DNMT1: variants seen among roughly 807,000 people sequenced by gnomAD.
The protein encoded by DNMT1 is DNA (cytosine-5)-methyltransferase 1.
DNMT1 carries 24 observed loss-of-function variants against 205.3 expected under a neutral mutation model. The observed-to-expected ratio is 0.12, with a 90% confidence interval of 0.08 to 0.16. The LOEUF is 0.16. Among genes scored for constraint, DNMT1 ranks in the 10% least tolerant of loss-of-function variants. DNMT1 has a pLI of 1.00. For missense variants in DNMT1, 1,293 were observed against 2,177.7 expected, an observed-to-expected ratio of 0.59 and a Z score of 8.09; for synonymous variants, 817 against 839.8, an observed-to-expected ratio of 0.97 and a Z score of 0.47.
Position 10,173,079 on chromosome 19 carries a change from T to G in DNMT1, c.768+11A>C, listed in dbSNP as rs780364336. 1 of 1,614,160 alleles carries G rather than the reference T, an allele frequency of 6.2e-7. No homozygotes were observed. Reference sequence around the variant, plus strand: ...GGAGAATTAACAAACTTAGAGGTGATAGAGCTTTACTTTTTCATCTCTTTC... The same window carrying G: ...GGAGAATTAACAAACTTAGAGGTGAGAGAGCTTTACTTTTTCATCTCTTTC... On this transcript the variant is annotated intron_variant, in intron 9 of 40. Transcript: ENST00000359526.
At chr19:10,180,752 G>T in intron 3 of DNMT1, 26 bp downstream of exon 3, 1 of 1,608,776 alleles carries the variant, frequency 6.2e-7, no homozygotes, top group South Asian at 1.1e-5. Flanking sequence ...TTTTTCTAGA[G>T]GCTAGGATGC....
At chr19:10,171,660 C>A (rs1053091145) in intron 9 of DNMT1, among the ~76,000 whole-genome samples, 1 of 151,962 alleles carries the variant, frequency 6.6e-6, no homozygotes, top group African/African-American at 2.4e-5. Flanking sequence ...AAAAAATTAG[C>A]CGGGCATGGT....
At position 10,139,920 on chromosome 19, in the gene DNMT1, C is replaced by A. The variant is rs570416562; in HGVS notation, c.3807-103G>T. 2.5e-6 allele frequency: 4 copies of A among 1,579,312 alleles called. No individual in the cohort carries two copies. The East Asian group carries it at 6.9e-5, about 27-fold the overall frequency. ...TCACGAATGTTATCAAAGTCTCTCC[C>A]TGGTGAGAGCTGAGCTGTGAGCTTC... is the stretch of plus-strand genomic sequence containing the variant. On this transcript the variant is annotated intron_variant, in intron 33 of 40. Transcript: ENST00000359526.
intron 5 of DNMT1, 97 bp from the exon 6 acceptor site, chr19:10,177,464 C>T: frequency 8.5e-7 from 1 of 1,182,572 alleles, no homozygotes; most frequent in South Asian, 1.4e-5. Flanking sequence ...TAAGCTATTG[C>T]AGGAAGCCAG....
At chr19:10,178,192 G>C (rs182090658) in intron 5 of DNMT1, among the ~76,000 whole-genome samples, 1 of 151,756 alleles carries the variant, frequency 6.6e-6, no homozygotes, top group African/African-American at 2.4e-5. Context: ...AGGAGGTGGA[G>C]GTTGTGGTGA....
At chr19:10,141,065 C>T (rs2089590751) in intron 31 of DNMT1, 40 bp downstream of exon 31, 1 of 1,612,382 alleles carries the variant, frequency 6.2e-7, no homozygotes. Flanking sequence ...CTCCAAGTTA[C>T]AGAAGAATAA....
At chr19:10,150,960 T>G (rs528304031) in intron 24 of DNMT1, among the ~76,000 whole-genome samples, 33 of 152,250 alleles carry the variant, frequency 2.2e-4, no homozygotes, top group African/African-American at 7.7e-4. Context: ...CCTGGCATGG[T>G]GGTGCACGCC....
chr19:10,135,221 A>T (rs2089451036), intron 39 of DNMT1, among the ~76,000 whole-genome samples: 1 of 151,306 alleles, frequency 6.6e-6, no homozygotes, highest in Admixed American at 6.6e-5. Context: ...TCAAAAAAAA[A>T]AAAAAAAAAG....
chr19:10,142,224 C>A lies in DNMT1; in HGVS notation c.3117-4G>T. On this transcript the variant is annotated splice_region_variant and splice_polypyrimidine_tract_variant and intron_variant, in intron 29 of 40. Coordinates refer to ENST00000359526, the MANE Select transcript of DNMT1 (RefSeq NM_001130823.3). ...GGACTTGTGGGTGTTCTCAGGCCTG[C>A]GAGCGGGAGAGGCCTCGTTAGGAGC... 1.2e-6 allele frequency: 2 copies of A among 1,613,838 alleles called. No individual in the cohort carries two copies. Among genetic ancestry groups the A allele is most frequent in the Non-Finnish European group, 1.7e-6 (2 of 1,180,022 alleles).
chr19:10,139,526 TCCGCCAGTGGGACAGAGCACCATGCCAG>T, intron 34 of DNMT1, 122 bp downstream of exon 34: 1 of 1,361,726 alleles, frequency 7.3e-7, no homozygotes. Context: ...CTCCCCTGAC[TCCGCCAGTGGGACAGAGCACCATGCCAG>T]CCTCTGCTGC....
At chr19:10,175,082 C>CAT (rs60885260) in intron 7 of DNMT1, among the ~76,000 whole-genome samples, 4 of 94,290 alleles carry the variant, frequency 4.2e-5, no homozygotes, top group South Asian at 9.0e-4. Flanking sequence ...TACATACATA[C>CAT]ATACACACAC....
At chr19:10,177,723 G>A (rs1278213600) in intron 5 of DNMT1, among the ~76,000 whole-genome samples, 1 of 152,028 alleles carries the variant, frequency 6.6e-6, no homozygotes, top group Non-Finnish European at 1.5e-5. Flanking sequence ...CCAAGCTCAG[G>A]TATTCGAGAA....
intron 9 of DNMT1, among the ~76,000 whole-genome samples, chr19:10,169,881 T>C (rs571135481): frequency 5.3e-5 from 8 of 152,342 alleles, no homozygotes; most frequent in African/African-American, 1.9e-4. Context: ...TGGAAGGTGG[T>C]GGTTGAACTA....
At chr19:10,174,832 G>A (rs915696227) in intron 7 of DNMT1, among the ~76,000 whole-genome samples, 1 of 151,322 alleles carries the variant, frequency 6.6e-6, no homozygotes, top group Non-Finnish European at 1.5e-5. Flanking sequence ...CAAGGAGTTC[G>A]AGACCAGCCT....
In DNMT1 at chr19:10,180,894, A is replaced by C; in HGVS notation, c.118-9T>G. 1 of 1,612,698 alleles carries C rather than the reference A, an allele frequency of 6.2e-7. No individual in the cohort carries two copies. The highest frequency in any genetic ancestry group is 8.5e-7 in the Non-Finnish European group (1 of 1,178,754). ...TTCTCCTTCACACATTCCTAAGGGA[A>C]GGATATAGGTTTAGCAGTACCCACA... On this transcript the variant is annotated splice_polypyrimidine_tract_variant and intron_variant, in intron 2 of 40. Transcript: ENST00000359526.
chr19:10,194,695 C>T (rs867358749), intron 1 of DNMT1, 125 bp downstream of exon 1: 9 of 1,303,996 alleles, frequency 6.9e-6, no homozygotes, highest in South Asian at 1.7e-5. Context: ...CGCTGCGCGC[C>T]GCACCACCCC....
chr19:10,180,933 C>A, intron 2 of DNMT1, 48 bp from the exon 3 acceptor site: 1 of 1,471,708 alleles, frequency 6.8e-7, no homozygotes, highest in Admixed American at 1.7e-5. Flanking sequence ...CCAAGCTATT[C>A]ACTAGTGGAC....
At chr19:10,165,575 G>A (rs1175221832) in intron 11 of DNMT1, among the ~76,000 whole-genome samples, 1 of 151,798 alleles carries the variant, frequency 6.6e-6, no homozygotes, top group Non-Finnish European at 1.5e-5. Context: ...ATATTTTTAG[G>A]TGACACCGGA....
In DNMT1 at chr19:10,162,882, G is replaced by A. The variant is rs2038604357; in HGVS notation, c.927-134C>T. 15 of 931,044 alleles carry A rather than the reference G, an allele frequency of 1.6e-5. No homozygotes were observed. The South Asian group carries it at 2.1e-4, about 13-fold the overall frequency. 57.7% of individuals were successfully genotyped at this position (931,044 alleles called of 1,614,324 possible). The stretch of plus-strand genomic sequence containing the variant: ...CCCATGGGAGCTCTATAGGCACACT[G>A]CCAGCTTGTCATCCCGAGACGAGGC... On this transcript the variant is annotated intron_variant, in intron 12 of 40. Transcript: ENST00000359526.
Sources: allele counts gnomAD v4.1 joint callset (sites outside exome capture counted in the v4.1 genomes callset), GRCh38; gene constraint gnomAD v4.1.1; transcripts MANE v1.5; gene names NCBI Gene and HGNC (gene_info 2026-07-23, HGNC 2026-07-21).